RANBP2: variants seen among roughly 807,000 people sequenced by gnomAD.
RANBP2 encodes the protein E3 SUMO-protein ligase RanBP2.
In RANBP2, 57 loss-of-function variants were observed where a neutral mutation model predicts 303.6. The observed-to-expected ratio is 0.19, with a 90% CI of 0.15 to 0.23. The LOEUF (loss-of-function observed/expected upper bound fraction) is 0.23, where lower values mean the gene tolerates loss of function less well. RANBP2 is among the 10% of genes least tolerant of loss of function. The pLI is 1.00. For synonymous variants in RANBP2, 1,167 were observed against 1,301.5 expected (o/e 0.90, Z 2.23); for missense variants, 3,138 against 3,780.8 (o/e 0.83, Z 4.46).
the RANBP2 span, chr2:109,544,143 T>C: frequency 6.5e-7 from 1 of 1,544,712 alleles, no homozygotes; most frequent in Non-Finnish European, 8.7e-7. Flanking sequence ...GGCTTATGTA[T>C]TGACCTTGTA....
chr2:109,216,451 A>G, the RANBP2 span, among the ~76,000 whole-genome samples: 1 of 152,226 alleles, frequency 6.6e-6, no homozygotes, highest in Non-Finnish European at 1.5e-5. Context: ...GGAGTTGGTC[A>G]CTTGAGGGCG....
the RANBP2 span, among the ~76,000 whole-genome samples, chr2:109,711,142 C>G: frequency 6.6e-6 from 1 of 152,046 alleles, no homozygotes; most frequent in African/African-American, 2.4e-5. Flanking sequence ...TGAAAGGCAG[C>G]GCAACCTTGA....
chr2:108,889,028 A>T, the RANBP2 span, among the ~76,000 whole-genome samples: 1 of 151,608 alleles, frequency 6.6e-6, no homozygotes, highest in African/African-American at 2.4e-5. Flanking sequence ...CAGTTTTTTT[A>T]AATTTTCATA....
chr2:109,234,635 C>G, the RANBP2 span, among the ~76,000 whole-genome samples: 1 of 152,248 alleles, frequency 6.6e-6, no homozygotes, highest in Admixed American at 6.5e-5. Context: ...GTTAGATTAT[C>G]TCAGCAGGCA....
rs756972971 is a variant in RANBP2, at chr2:108,782,412, ACATTCAAATGCTACTTTT to A, written c.9034+16_9034+33del. On this transcript the variant is annotated intron_variant, in intron 27 of 28. Coordinates refer to ENST00000283195, the MANE Select transcript of RANBP2 (RefSeq NM_006267.5). ...CCTCAGATTATGCTGGTGAGTTTTT[ACATTCAAATGCTACTTTT>A]CATTTTTTGGACTTTTCTAAAATCT... 6.2e-7 allele frequency: 1 copy of A among 1,613,902 alleles called. No homozygotes were observed. Among genetic ancestry groups the A allele is most frequent in the South Asian group, 1.1e-5 (1 of 91,088 alleles).
At chr2:109,613,703 C>T in the RANBP2 span, 3 of 865,060 alleles carry the variant, frequency 3.5e-6, no homozygotes, top group Non-Finnish European at 4.5e-6. Context: ...GGGTCACAAT[C>T]CCGGGCCGGA....
At chr2:108,778,957 T>G (rs1345927095) in intron 25 of RANBP2, among the ~76,000 whole-genome samples, 2 of 152,146 alleles carry the variant, frequency 1.3e-5, no homozygotes, top group Non-Finnish European at 2.9e-5. Context: ...CTCAAACTCC[T>G]GGGCTCAAGC....
chr2:108,755,720 A>T (rs1405997120), intron 17 of RANBP2, among the ~76,000 whole-genome samples: 1 of 150,664 alleles, frequency 6.6e-6, no homozygotes, highest in Non-Finnish European at 1.5e-5. Context: ...ACCCTTTACC[A>T]TATTTTGTTT....
At chr2:109,630,184 A>T in the RANBP2 span, among the ~76,000 whole-genome samples, 84 of 152,328 alleles carry the variant, frequency 5.5e-4, no homozygotes, top group Admixed American at 2.0e-3. Context: ...ATATATGTGC[A>T]CATATATATA....
At chr2:109,030,428 C>T in the RANBP2 span, among the ~76,000 whole-genome samples, 1 of 152,196 alleles carries the variant, frequency 6.6e-6, no homozygotes, top group Non-Finnish European at 1.5e-5. Context: ...AAGAGGTGTG[C>T]CATACCCTGC....
the RANBP2 span, chr2:109,732,875 G>C: frequency 5.1e-6 from 6 of 1,180,170 alleles, no homozygotes; most frequent in Non-Finnish European, 7.5e-6. Context: ...CCGAGATGCA[G>C]CAGGTGTGGT....
chr2:109,428,056 C>T, the RANBP2 span, among the ~76,000 whole-genome samples: 1 of 152,210 alleles, frequency 6.6e-6, no homozygotes, highest in Admixed American at 6.5e-5. Context: ...CAGTGCAGCC[C>T]CTGACAGCAC....
chr2:109,089,933 T>C, the RANBP2 span, among the ~76,000 whole-genome samples: 2 of 152,194 alleles, frequency 1.3e-5, no homozygotes, highest in South Asian at 4.1e-4. Context: ...CATGCTCTGC[T>C]GCTAGACCAA....
chr2:109,242,627 C>G, the RANBP2 span, among the ~76,000 whole-genome samples: 1 of 152,214 alleles, frequency 6.6e-6, no homozygotes, highest in Non-Finnish European at 1.5e-5. Context: ...CCTTACTGGG[C>G]TGTGCCTACC....
At chr2:109,760,238 A>T in the RANBP2 span, 5 of 149,262 alleles carry the variant, frequency 3.3e-5, no homozygotes, top group Non-Finnish European at 6.0e-5. Context: ...GCACATTCCC[A>T]GGAACACTCA....
At chr2:109,209,757 G>T in the RANBP2 span, among the ~76,000 whole-genome samples, 1 of 152,118 alleles carries the variant, frequency 6.6e-6, no homozygotes, top group African/African-American at 2.4e-5. Context: ...GAGAGTAAAT[G>T]GTTTGTTCAC....
At chr2:109,494,422 G>A in the RANBP2 span, among the ~76,000 whole-genome samples, 1 of 152,188 alleles carries the variant, frequency 6.6e-6, no homozygotes, top group African/African-American at 2.4e-5. Flanking sequence ...GCCACAGGCT[G>A]CCTGGTATCC....
chr2:109,071,952 C>T, the RANBP2 span, among the ~76,000 whole-genome samples: 2 of 152,088 alleles, frequency 1.3e-5, no homozygotes, highest in African/African-American at 4.8e-5. Context: ...TAGAAGGTGA[C>T]AACAGAATAT....
the RANBP2 span, among the ~76,000 whole-genome samples, chr2:109,337,916 G>A: frequency 6.6e-6 from 1 of 151,570 alleles, no homozygotes; most frequent in Admixed American, 6.6e-5. Flanking sequence ...TTTTTTTGTA[G>A]AGATGGGATT....
Sources: gnomAD v4.1 joint callset for allele counts (sites outside exome capture counted in the v4.1 genomes callset) on GRCh38, gnomAD v4.1.1 for gene constraint, MANE v1.5 for transcripts, NCBI Gene and HGNC (gene_info 2026-07-23, HGNC 2026-07-21) for gene names.